Variants in MSI2 observed in about 807,000 individuals in gnomAD.
MSI2 encodes musashi RNA binding protein 2.
A neutral mutation model predicts 45.6 loss-of-function variants in MSI2; 17 were observed. That is an observed-to-expected ratio of 0.37 (90% confidence interval 0.26 to 0.56). The LOEUF (loss-of-function observed/expected upper bound fraction) is 0.56. MSI2 is among the 20% of genes least tolerant of loss of function. The pLI is 0.77. For synonymous variants in MSI2, 156 were observed against 158.2 expected (o/e 0.99, Z 0.11); for missense variants, 293 against 444.2 (o/e 0.66, Z 3.06).
At chr17:57,293,576 A>C (rs2143481410) in intron 5 of MSI2, among the ~76,000 whole-genome samples, 1 of 149,056 alleles carries the variant, frequency 6.7e-6, no homozygotes, top group Admixed American at 6.8e-5. Context: ...ATATGTAATC[A>C]GTGCTTTATT....
chr17:57,548,898 T>TCTCC (rs1567892627), intron 7 of MSI2, among the ~76,000 whole-genome samples: 1 of 121,300 alleles, frequency 8.2e-6, no homozygotes, highest in Non-Finnish European at 1.7e-5. Flanking sequence ...TGTTTACCCT[T>TCTCC]CCCCCCCCCA....
intron 5 of MSI2, among the ~76,000 whole-genome samples, chr17:57,382,850 G>T (rs1421264575): frequency 6.6e-6 from 1 of 152,196 alleles, no homozygotes; most frequent in Non-Finnish European, 1.5e-5. Context: ...ATAAGATCAG[G>T]TCTCTCCTTT....
intron 6 of MSI2, among the ~76,000 whole-genome samples, chr17:57,508,921 A>T (rs1447650063): frequency 6.6e-6 from 1 of 152,190 alleles, no homozygotes; most frequent in African/African-American, 2.4e-5. Context: ...ATTAGAATAG[A>T]GTCCTCAAGT....
At chr17:57,643,614 G>A (rs1259927783) in intron 10 of MSI2, among the ~76,000 whole-genome samples, 1 of 152,238 alleles carries the variant, frequency 6.6e-6, no homozygotes. Context: ...TCCCAGGGGT[G>A]CTGCCTAACT....
chr17:57,499,594 CA>C (rs1195449648), intron 6 of MSI2, among the ~76,000 whole-genome samples: 4 of 152,160 alleles, frequency 2.6e-5, no homozygotes, highest in African/African-American at 9.7e-5. Context: ...TGATGCATAA[CA>C]AATCACCCAA....
intron 7 of MSI2, among the ~76,000 whole-genome samples, chr17:57,543,559 C>T (rs2087100168): frequency 6.6e-6 from 1 of 152,162 alleles, no homozygotes; most frequent in Non-Finnish European, 1.5e-5. Flanking sequence ...CTTCCAAAAT[C>T]ACTAGTTTTG....
chr17:57,463,558 T>G (rs555872251), intron 6 of MSI2, among the ~76,000 whole-genome samples: 23 of 152,172 alleles, frequency 1.5e-4, no homozygotes, highest in South Asian at 1.2e-3. Flanking sequence ...GCCCGGGGCT[T>G]CTTCTGCCTC....
intron 7 of MSI2, among the ~76,000 whole-genome samples, chr17:57,555,344 C>T (rs1451056287): frequency 1.3e-5 from 2 of 152,134 alleles, no homozygotes; most frequent in African/African-American, 4.8e-5. Flanking sequence ...TTAGAGGGAT[C>T]TTTCTGAAAT....
chr17:57,336,670 A>G (rs1276968398), intron 5 of MSI2, among the ~76,000 whole-genome samples: 1 of 152,208 alleles, frequency 6.6e-6, no homozygotes, highest in African/African-American at 2.4e-5. Context: ...AAAAGGTGTT[A>G]TTAATTGGTG....
At chr17:57,464,513 T>C (rs1196854706) in intron 6 of MSI2, among the ~76,000 whole-genome samples, 1 of 152,196 alleles carries the variant, frequency 6.6e-6, no homozygotes, top group East Asian at 1.9e-4. Context: ...TGGAAGGGTC[T>C]GGACAGATCT....
chr17:57,303,376 C>T (rs1327357398), intron 5 of MSI2, among the ~76,000 whole-genome samples: 2 of 152,160 alleles, frequency 1.3e-5, no homozygotes, highest in Non-Finnish European at 2.9e-5. Context: ...AGAAGAATTG[C>T]AGGACCAAAC....
intron 7 of MSI2, among the ~76,000 whole-genome samples, chr17:57,589,364 G>C (rs1369358036): frequency 2.0e-5 from 3 of 152,220 alleles, no homozygotes; most frequent in East Asian, 1.9e-4. Context: ...ATTTTTCTTA[G>C]AGCAAAGCCA....
intron 5 of MSI2, chr17:57,277,782 A>G (rs1272190789): frequency 6.6e-6 from 1 of 152,252 alleles, no homozygotes; most frequent in East Asian, 1.9e-4. Context: ...CAGTGTTCGT[A>G]AAGTACACCG....
intron 7 of MSI2, among the ~76,000 whole-genome samples, chr17:57,554,991 C>T (rs1364138119): frequency 6.6e-6 from 1 of 152,268 alleles, no homozygotes; most frequent in Non-Finnish European, 1.5e-5. Context: ...TACTCCTTTC[C>T]TCCCTTGTGT....
At position 57,553,768 on chromosome 17, in the gene MSI2, G is replaced by T. The variant is rs574474407; in HGVS notation, c.454+24044G>T. Among the ~76,000 whole-genome samples, 260 of 152,286 alleles carry T rather than the reference G, an allele frequency of 1.7e-3. 1 individual carries two copies. Among genetic ancestry groups the T allele is most frequent in the Admixed American group, 2.7e-3 (41 of 15,296 alleles). On this transcript the variant is annotated intron_variant, in intron 7 of 13. Coordinates refer to ENST00000284073, the MANE Select transcript of MSI2 (RefSeq NM_138962.4). ...TGTTTTTGAAAGTCCTGTGTTTATC[G>T]CGAGAGAGCAGTGTGGTCAGAGAGG...
intron 6 of MSI2, among the ~76,000 whole-genome samples, chr17:57,514,069 G>A (rs2086415385): frequency 6.6e-6 from 1 of 152,126 alleles, no homozygotes; most frequent in African/African-American, 2.4e-5. Flanking sequence ...TCCTCACACA[G>A]TCTGATTTCA....
chr17:57,354,698 G>A (rs1038814909), intron 5 of MSI2, among the ~76,000 whole-genome samples: 1 of 152,106 alleles, frequency 6.6e-6, no homozygotes, highest in African/African-American at 2.4e-5. Flanking sequence ...GATGAGGAAG[G>A]GGGTGGGAGA....
At chr17:57,662,378 T>C (rs1598503731) in intron 11 of MSI2, among the ~76,000 whole-genome samples, 1 of 152,110 alleles carries the variant, frequency 6.6e-6, no homozygotes, top group Non-Finnish European at 1.5e-5. Flanking sequence ...ATAATGATAA[T>C]AGATGTTAAT....
intron 10 of MSI2, among the ~76,000 whole-genome samples, chr17:57,637,515 A>G (rs549997054): frequency 9.8e-5 from 15 of 152,348 alleles, no homozygotes; most frequent in African/African-American, 3.1e-4. Context: ...GCTCCTCTGC[A>G]TAAATAAACG....
Sources: gnomAD v4.1 joint callset for allele counts (sites outside exome capture counted in the v4.1 genomes callset) on GRCh38, gnomAD v4.1.1 for gene constraint, MANE v1.5 for transcripts, NCBI Gene and HGNC (gene_info 2026-07-23, HGNC 2026-07-21) for gene names.